EVA1C: variants seen among roughly 807,000 people sequenced by gnomAD.
EVA1C encodes the protein protein eva-1 homolog C.
Under a neutral mutation model 45.4 loss-of-function variants are expected in EVA1C, and 25 were observed. That is an observed-to-expected ratio of 0.55 (90% confidence interval 0.40 to 0.77). The LOEUF (loss-of-function observed/expected upper bound fraction) is 0.77, where lower values mean the gene tolerates loss of function less well. EVA1C is among the 30% of genes least tolerant of loss of function. The pLI is 0.00. For synonymous variants in EVA1C, 190 were observed against 221.2 expected (o/e 0.86, Z 1.25); for missense variants, 479 against 554.8 (o/e 0.86, Z 1.37).
At chr21:32,499,895 A>G (rs1400595795) in intron 5 of EVA1C, among the ~76,000 whole-genome samples, 1 of 152,150 alleles carries the variant, frequency 6.6e-6, no homozygotes, top group Non-Finnish European at 1.5e-5. Context: ...CTGACATCCC[A>G]GGGCTTATTC....
intron 1 of EVA1C, among the ~76,000 whole-genome samples, chr21:32,446,741 G>A (rs905950342): frequency 1.3e-5 from 2 of 152,138 alleles, no homozygotes; most frequent in African/African-American, 4.8e-5. Flanking sequence ...CCTGGGAGAC[G>A]CCTGGTCCAC....
intron 4 of EVA1C, among the ~76,000 whole-genome samples, chr21:32,473,661 C>G (rs2036456705): frequency 6.6e-6 from 1 of 152,174 alleles, no homozygotes; most frequent in South Asian, 2.1e-4. Flanking sequence ...AGCTGCCTCC[C>G]CTCTTCGCTT....
At chr21:32,453,160 GA>G (rs2035647112) in intron 1 of EVA1C, 151 bp from the exon 2 acceptor site, 5 of 538,916 alleles carry the variant, frequency 9.3e-6, no homozygotes, top group Non-Finnish European at 1.7e-5. Context: ...CTGGTTTGGT[GA>G]CCTCTGCACC....
chr21:32,416,746 T>G (rs1228728421), intron 1 of EVA1C, among the ~76,000 whole-genome samples: 1 of 152,194 alleles, frequency 6.6e-6, no homozygotes, highest in Non-Finnish European at 1.5e-5. Flanking sequence ...GTTGTTCTAG[T>G]TCCCACTTGA....
intron 4 of EVA1C, among the ~76,000 whole-genome samples, chr21:32,471,931 A>AT (rs2036392451): frequency 6.6e-6 from 1 of 152,034 alleles, no homozygotes; most frequent in African/African-American, 2.4e-5. Context: ...CTCGGCCTCC[A>AT]TTTCTTAATA....
Position 32,412,882 on chromosome 21 carries a change from C to A in EVA1C, c.29C>A (p.Pro10Gln). The A allele has an allele frequency of 1.3e-6, 2 of 1,501,614 alleles. No individual in the cohort carries two copies. The highest frequency in any genetic ancestry group is 1.8e-6 in the Non-Finnish European group (2 of 1,130,878). The allele number at this position is 1,501,614 out of a possible 1,614,324, so 93.0% of individuals were successfully genotyped here. MLLPGRARQ[P>Q]PTPQPVQHPG... The stretch of plus-strand genomic sequence containing the variant: ...CTTCTGCCGGGACGCGCACGCCAAC[C>A]GCCGACGCCCCAGCCCGTGCAGCAT... Residue 10 changes from proline to glutamine, a missense_variant, in exon 1 of 8, where the codon CCG becomes CAG. Physicochemically the swap from Pro to Gln is moderately conservative, Grantham distance 76. Coordinates refer to ENST00000300255, the MANE Select transcript of EVA1C (RefSeq NM_058187.5).
At chr21:32,493,419 G>C (rs1173789765) in intron 4 of EVA1C, among the ~76,000 whole-genome samples, 2 of 152,036 alleles carry the variant, frequency 1.3e-5, no homozygotes, top group East Asian at 1.9e-4. Flanking sequence ...TCTTGTTCCA[G>C]TTCACATTTC....
chr21:32,467,853 G>A lies in EVA1C; in HGVS notation c.634+5G>A, dbSNP rs1466552206. Reference sequence around the variant, plus strand: ...CAGAGCGGCTCCCCCCTTTCGGTATGTGCTTTTGTGTGTGTATTAGCCAGG... The same window carrying A: ...CAGAGCGGCTCCCCCCTTTCGGTATATGCTTTTGTGTGTGTATTAGCCAGG... On this transcript the variant is annotated splice_donor_5th_base_variant and intron_variant, in intron 4 of 7. Transcript: ENST00000300255. The A allele has an allele frequency of 6.3e-7, 1 of 1,599,610 alleles. No homozygotes were observed. Among genetic ancestry groups the A allele is most frequent in the South Asian group, 1.1e-5 (1 of 88,516 alleles).
chr21:32,512,292 C>A (rs2037982661), intron 7 of EVA1C, among the ~76,000 whole-genome samples: 1 of 152,076 alleles, frequency 6.6e-6, no homozygotes, highest in South Asian at 2.1e-4. Flanking sequence ...TATGTATTGA[C>A]CAATGAAGAG....
At chr21:32,438,939 T>G (rs1199621999) in intron 1 of EVA1C, among the ~76,000 whole-genome samples, 1 of 152,012 alleles carries the variant, frequency 6.6e-6, no homozygotes, top group Non-Finnish European at 1.5e-5. Context: ...TTAAGAATAG[T>G]AAGCATAAGA....
At chr21:32,493,775 TTTA>T (rs2037247652) in intron 4 of EVA1C, 1 of 75,456 alleles carries the variant, frequency 1.3e-5, no homozygotes. Flanking sequence ...AGGCTTTTTA[TTTA>T]TTTATTTATT....
At chr21:32,504,969 T>C (rs1186154015) in intron 7 of EVA1C, among the ~76,000 whole-genome samples, 1 of 152,056 alleles carries the variant, frequency 6.6e-6, no homozygotes, top group Non-Finnish European at 1.5e-5. Flanking sequence ...TCTTACTTGG[T>C]AGCAGGCAAG....
intron 1 of EVA1C, among the ~76,000 whole-genome samples, chr21:32,432,700 T>G (rs2146166192): frequency 6.6e-6 from 1 of 152,270 alleles, no homozygotes; most frequent in Admixed American, 6.5e-5. Context: ...TTGGCCCCCT[T>G]GGCAGGTGCT....
rs1256948315 is a variant in EVA1C at position 32,452,588 on chromosome 21, C to T, written c.161-724C>T. The T allele has an allele frequency of 6.6e-6, 1 of 152,272 alleles. No individual in the cohort carries two copies. Among genetic ancestry groups the T allele is most frequent in the Non-Finnish European group, 1.5e-5 (1 of 68,076 alleles). The allele number at this position is 152,272 out of a possible 1,614,324, so 9.4% of individuals were successfully genotyped here. Reference sequence around the variant, plus strand: ...CTCAATTAGACCCTCTGCCTTATCACAAAGACAGATGGCTTTCTGTATCCC... The same window carrying T: ...CTCAATTAGACCCTCTGCCTTATCATAAAGACAGATGGCTTTCTGTATCCC... On this transcript the variant is annotated intron_variant, in intron 1 of 7. Coordinates refer to ENST00000300255, the MANE Select transcript of EVA1C (RefSeq NM_058187.5). The surrounding 1 kb of genome is among the most constrained non-coding windows in gnomAD (Gnocchi z 4.0).
intron 4 of EVA1C, among the ~76,000 whole-genome samples, chr21:32,489,036 T>C (rs559427773): frequency 6.6e-6 from 1 of 152,266 alleles, no homozygotes; most frequent in African/African-American, 2.4e-5. Flanking sequence ...TTTGAGAATA[T>C]TTTCTCGCAA....
intron 5 of EVA1C, chr21:32,496,976 T>A (rs1568944983): frequency 3.5e-6 from 5 of 1,446,880 alleles, no homozygotes; most frequent in Non-Finnish European, 4.9e-6. Flanking sequence ...GGAGATCTCA[T>A]CTATGGCCAA....
At chr21:32,458,414 G>T (rs1472889203) in intron 3 of EVA1C, among the ~76,000 whole-genome samples, 1 of 151,906 alleles carries the variant, frequency 6.6e-6, no homozygotes, top group African/African-American at 2.4e-5. Flanking sequence ...GGCATTAGAG[G>T]TTCTTGCACA....
rs1601304728 is a variant in EVA1C, at chr21:32,453,458, G to A, written c.307G>A (p.Ala103Thr). 6 of 1,611,248 alleles carry A rather than the reference G, an allele frequency of 3.7e-6. No individual in the cohort carries two copies. The East Asian group carries it at 1.3e-4, about 36-fold the overall frequency. Residue 103 changes from alanine (A) to threonine (T), a missense_variant, in exon 2 of 8, where the codon GCC becomes ACC. Physicochemically the swap from Ala to Thr is moderately conservative, Grantham distance 58. Around this residue, in one of 3 missense-constraint regions of EVA1C, gnomAD observed 366 missense variants for 426.1 expected, o/e 0.86. Coordinates refer to ENST00000300255, the MANE Select transcript of EVA1C (RefSeq NM_058187.5). ...CCAAATGTGTAGTTCCCAGAAGCCT[G>A]CCTCCCAGAGGGAAGACAGCTTAAC... Reference protein sequence around the residue: ...DYQMCSSQKPASQREDSLTCV... With the variant: ...DYQMCSSQKPTSQREDSLTCV...
chr21:32,514,762 G>A, intron 7 of EVA1C, 52 bp from the exon 8 acceptor site: 1 of 1,496,254 alleles, frequency 6.7e-7, no homozygotes, highest in Non-Finnish European at 8.9e-7. Context: ...CTTGGCACTG[G>A]TGGAGTCTGC....
Sources: allele counts gnomAD v4.1 joint callset (sites outside exome capture counted in the v4.1 genomes callset), GRCh38; gene constraint gnomAD v4.1.1; regional missense constraint gnomAD v4.1.1; non-coding constraint Gnocchi (gnomAD v3.1); transcripts MANE v1.5; gene names NCBI Gene and HGNC (gene_info 2026-07-23, HGNC 2026-07-21).